The following GRAMD4 variants were observed in gnomAD, a reference collection of about 807,000 sequenced individuals.
GRAMD4 encodes GRAM domain containing 4.
GRAMD4 carries 25 observed loss-of-function variants against 83.9 expected under a neutral mutation model. The observed-to-expected ratio is 0.30, with a 90% CI of 0.22 to 0.42. The LOEUF (loss-of-function observed/expected upper bound fraction) is 0.42. GRAMD4 is among the 10% of genes least tolerant of loss of function. The pLI is 1.00. For missense variants in GRAMD4, 593 were observed against 788.7 expected (o/e 0.75, Z 2.97); for synonymous variants, 336 against 320.9 (o/e 1.05, Z -0.50).
chr22:46,586,264 T>TG (rs1303541001), intron 1 of GRAMD4, among the ~76,000 whole-genome samples: 1 of 152,182 alleles, frequency 6.6e-6, no homozygotes, highest in East Asian at 1.9e-4. Flanking sequence ...TTCCTTGCCC[T>TG]GGCTCCTCCC....
intron 9 of GRAMD4, 72 bp downstream of exon 9, chr22:46,665,778 C>A: frequency 2.4e-6 from 2 of 839,414 alleles, no homozygotes; most frequent in South Asian, 1.4e-5. Flanking sequence ...CTGCGTCTCA[C>A]AACCGTGACC....
At position 46,659,072 on chromosome 22, in the gene GRAMD4, A is replaced by G. The variant is rs1363594067; in HGVS notation, c.404+765A>G. 1.3e-5 allele frequency among the ~76,000 whole-genome samples: 2 copies of G among 152,078 alleles called. No homozygotes were observed. Among genetic ancestry groups the G allele is most frequent in the Non-Finnish European group, 2.9e-5 (2 of 67,982 alleles). ...ACGAGGCTCCGTGTCCCTCTGCACA[A>G]GTTCAAACTGGTGCCTGGTACATGA... On this transcript the variant is annotated intron_variant, in intron 4 of 18. Coordinates refer to ENST00000406902, the MANE Select transcript of GRAMD4 (RefSeq NM_015124.5). The surrounding 1 kb of genome is among the most constrained non-coding windows in gnomAD (Gnocchi z 4.1).
chr22:46,620,199 T>G (rs1174448695), upstream of GRAMD4: 9 of 479,212 alleles, frequency 1.9e-5, no homozygotes, highest in Non-Finnish European at 2.5e-5. The surrounding 1 kb of genome is among the most constrained non-coding windows in gnomAD (Gnocchi z 4.7). Context: ...TAGACACTGT[T>G]GCCTTTGTGT....
chr22:46,663,263 T>C (rs2147351636), intron 6 of GRAMD4, 91 bp downstream of exon 6: 2 of 1,249,192 alleles, frequency 1.6e-6, no homozygotes, highest in Middle Eastern at 2.6e-4. Flanking sequence ...TTTATCACCG[T>C]GGGCCAAAGC....
Position 46,620,984 on chromosome 22 carries a change from CA to C in GRAMD4, c.-50+420del, listed in dbSNP as rs532898495. 5.3e-3 allele frequency among the ~76,000 whole-genome samples: 807 copies of C among 151,976 alleles called. 4 individuals carry two copies. Among genetic ancestry groups the C allele is most frequent in the Middle Eastern group, 0.01 (3 of 294 alleles). ...CGGAGTTGCAGGGGCCCTGGGCTGC[CA>C]GGGGTGGGCCTGTAGGTGCAGGTGG... On this transcript the variant is annotated intron_variant, in intron 1 of 18. Transcript: ENST00000406902. The surrounding 1 kb of genome is among the most constrained non-coding windows in gnomAD (Gnocchi z 4.7).
intron 13 of GRAMD4, chr22:46,671,202 G>A (rs1410887505): frequency 2.4e-6 from 1 of 418,916 alleles, no homozygotes; most frequent in Admixed American, 2.5e-5. Flanking sequence ...AGTCAGCCAA[G>A]GGGGTGGTCC....
intron 1 of GRAMD4, among the ~76,000 whole-genome samples, chr22:46,609,895 G>T (rs1433880553): frequency 2.0e-5 from 3 of 152,230 alleles, no homozygotes; most frequent in Non-Finnish European, 4.4e-5. Flanking sequence ...CCCGGCTGCT[G>T]GTAGGTGTGG....
At chr22:46,638,140 A>G (rs1601610241) in intron 3 of GRAMD4, among the ~76,000 whole-genome samples, 180 bp downstream of exon 3, 2 of 152,226 alleles carry the variant, frequency 1.3e-5, no homozygotes, top group Non-Finnish European at 2.9e-5. Context: ...TGGTCCCGGC[A>G]CAGCCTCTGT....
chr22:46,607,204 A>AGGG (rs769507534), intron 1 of GRAMD4, among the ~76,000 whole-genome samples: 1 of 146,158 alleles, frequency 6.8e-6, no homozygotes, highest in African/African-American at 2.8e-5. Context: ...TGTCTTTAAA[A>AGGG]AGGGGGGGGT....
At chr22:46,587,997 C>T (rs2081167971) in intron 1 of GRAMD4, 1 of 964,136 alleles carries the variant, frequency 1.0e-6, no homozygotes, top group Non-Finnish European at 1.2e-6. Flanking sequence ...AGGAGGGGCA[C>T]AGGCGGGGAG....
chr22:46,638,025 A>C lies in GRAMD4; in HGVS notation c.283+65A>C. 1.9e-6 allele frequency: 3 copies of C among 1,550,868 alleles called. No homozygotes were observed. The South Asian group carries it at 3.4e-5, about 18-fold the overall frequency. On this transcript the variant is annotated intron_variant, in intron 3 of 18. Coordinates refer to ENST00000406902, the MANE Select transcript of GRAMD4 (RefSeq NM_015124.5). Reference sequence around the variant, plus strand: ...GGGTCAGGGGTGGCTGAGATGGGGGATGTCGTCTTGCCCAGGAGCTGGGTC... The same window carrying C: ...GGGTCAGGGGTGGCTGAGATGGGGGCTGTCGTCTTGCCCAGGAGCTGGGTC...
At chr22:46,675,585 G>A (rs774820704) in intron 17 of GRAMD4, 33 bp downstream of exon 17, 25 of 1,375,154 alleles carry the variant, frequency 1.8e-5, no homozygotes, top group East Asian at 2.3e-5. Context: ...ACTAACCCCC[G>A]TGTTTTCTTC....
intron 1 of GRAMD4, among the ~76,000 whole-genome samples, chr22:46,580,949 A>G (rs952642758): frequency 6.7e-6 from 1 of 150,214 alleles, no homozygotes; most frequent in Non-Finnish European, 1.5e-5. Context: ...CCTGGGCAAC[A>G]AGAGCGAAAC....
At chr22:46,661,266 C>T (rs2082322378) in intron 4 of GRAMD4, 115 bp from the exon 5 acceptor site, 2 of 742,062 alleles carry the variant, frequency 2.7e-6, no homozygotes, top group Admixed American at 4.1e-5. Flanking sequence ...GAGAGCCCTG[C>T]TGTCCCTGAC....
intron 3 of GRAMD4, among the ~76,000 whole-genome samples, chr22:46,646,337 T>TA (rs2082072280): frequency 6.6e-6 from 1 of 152,218 alleles, no homozygotes; most frequent in Non-Finnish European, 1.5e-5. Context: ...TGCTGTGACA[T>TA]ACAGGGATCA....
intron 2 of GRAMD4, among the ~76,000 whole-genome samples, chr22:46,629,559 C>G (rs1277695429): frequency 2.0e-5 from 3 of 152,160 alleles, no homozygotes; most frequent in Non-Finnish European, 4.4e-5. Flanking sequence ...TCTCATCACC[C>G]TTCTTTACAC....
upstream of GRAMD4, among the ~76,000 whole-genome samples, chr22:46,617,433 G>T (rs1219967002): frequency 6.8e-6 from 1 of 146,466 alleles, no homozygotes; most frequent in Non-Finnish European, 1.5e-5. Flanking sequence ...GGTTCCCCTG[G>T]GTGTAGGTTC....
intron 3 of GRAMD4, among the ~76,000 whole-genome samples, chr22:46,652,162 G>A (rs112950835): frequency 0.016 from 2,442 of 152,224 alleles, 41 homozygotes; most frequent in Middle Eastern, 0.041. Flanking sequence ...ATGAGTCGCC[G>A]ACCTTTGGTG....
chr22:46,669,297 G>T (rs1348124303), intron 13 of GRAMD4, among the ~76,000 whole-genome samples: 1 of 152,194 alleles, frequency 6.6e-6, no homozygotes, highest in Non-Finnish European at 1.5e-5. Flanking sequence ...GTGCAGGGAG[G>T]TTGGTTGTAG....
Sources: allele counts gnomAD v4.1 joint callset (sites outside exome capture counted in the v4.1 genomes callset), GRCh38; gene constraint gnomAD v4.1.1; non-coding constraint Gnocchi (gnomAD v3.1); transcripts MANE v1.5; gene names NCBI Gene and HGNC (gene_info 2026-07-23, HGNC 2026-07-21).